The following RNF141 variants were observed in gnomAD, a reference collection of about 807,000 sequenced individuals.
The protein encoded by RNF141 is ring finger protein 141.
In RNF141, 18 loss-of-function variants were observed where a neutral mutation model predicts 27.4. That is an observed-to-expected ratio of 0.66 (90% CI 0.45 to 0.97). The LOEUF is 0.97. Among genes scored for constraint, RNF141 ranks in the 50% least tolerant of loss-of-function variants. RNF141 has a pLI of 0.00. For missense variants in RNF141, 230 were observed against 279.4 expected, an observed-to-expected ratio of 0.82 and a Z score of 1.26; for synonymous variants, 97 against 96.6, an observed-to-expected ratio of 1.00 and a Z score of -0.02.
chr11:10,532,710 T>A (rs1341362989), intron 2 of RNF141, among the ~76,000 whole-genome samples: 8 of 152,204 alleles, frequency 5.3e-5, no homozygotes, highest in Non-Finnish European at 1.2e-4. Flanking sequence ...TCTAATATGT[T>A]ACAGATTGCT....
chr11:10,514,959 A>T lies in RNF141; in HGVS notation c.650T>A (p.Ile217Asn). 6.2e-7 allele frequency: 1 copy of T among 1,613,960 alleles called. No homozygotes were observed. Among genetic ancestry groups the T allele is most frequent in the Non-Finnish European group, 8.5e-7 (1 of 1,179,946 alleles). The change falls in exon 6 of 6, where the codon ATT becomes AAT. Residue 217 changes from isoleucine (I) to asparagine (N), a missense_variant. By Grantham distance (149) the Ile-to-Asn change is moderately radical (BLOSUM62 -3). Transcript: ENST00000265981. ...GCCTGCCTCATCAGCCATGTTAAGA[A>T]TATAGTTAGCCATATCATCTTCAGT... ...APTEDDMANY[I>N]LNMADEAGQP... is the part of the protein sequence containing the mutation.
intron 5 of RNF141, chr11:10,515,468 T>C (rs148574442): frequency 1.3e-5 from 2 of 154,850 alleles, no homozygotes; most frequent in Admixed American, 6.5e-5. Flanking sequence ...TTTAGTTTTT[T>C]TTCCCATCTT....
At chr11:10,517,837 A>G (rs1460244653) in intron 5 of RNF141, 2 of 152,204 alleles carry the variant, frequency 1.3e-5, no homozygotes, top group African/African-American at 2.4e-5. Flanking sequence ...GAACTGATAC[A>G]TGAGTTTAAT....
At chr11:10,524,918 C>G (rs1849918625) in intron 4 of RNF141, among the ~76,000 whole-genome samples, 1 of 152,158 alleles carries the variant, frequency 6.6e-6, no homozygotes, top group South Asian at 2.1e-4. Flanking sequence ...TTAACTATCT[C>G]CTTTGTCAAT....
chr11:10,525,817 A>C (rs1849931618), intron 3 of RNF141, among the ~76,000 whole-genome samples: 1 of 152,206 alleles, frequency 6.6e-6, no homozygotes, highest in Non-Finnish European at 1.5e-5. Flanking sequence ...TTTTGTACCA[A>C]AACTTCTAAA....
At chr11:10,538,148 A>T (rs935472257) in intron 1 of RNF141, among the ~76,000 whole-genome samples, 3 of 152,220 alleles carry the variant, frequency 2.0e-5, no homozygotes, top group Non-Finnish European at 4.4e-5. Flanking sequence ...CCTAACTTTG[A>T]GTAAAGTTTA....
At chr11:10,518,503 T>C (rs570772122) in intron 5 of RNF141, 4 of 152,308 alleles carry the variant, frequency 2.6e-5, no homozygotes, top group African/African-American at 7.2e-5. Flanking sequence ...GCACATATTA[T>C]ATGATTCCAT....
Position 10,512,170 on chromosome 11 carries a change from T to C in RNF141, c.*2746A>G, listed in dbSNP as rs1849805862. The C allele has an allele frequency of 6.6e-6, 1 of 152,656 alleles. No individual in the cohort carries two copies. Among genetic ancestry groups the C allele is most frequent in the Non-Finnish European group, 1.5e-5 (1 of 68,040 alleles). The allele number at this position is 152,656 out of a possible 1,614,324, so 9.5% of individuals were successfully genotyped here. A position where few individuals can be genotyped will look rare whatever the true frequency, so the allele number is the denominator to read the frequency against. On this transcript the variant is annotated 3_prime_UTR_variant, in exon 6 of 6. Coordinates refer to ENST00000265981, the MANE Select transcript of RNF141 (RefSeq NM_016422.4). ...AAGGCACACATTATATTTCCTATCA[T>C]AGTAAGTACATTTAAGTACTTCATA...
intron 4 of RNF141, among the ~76,000 whole-genome samples, chr11:10,519,872 A>G (rs1849873609): frequency 6.6e-6 from 1 of 152,238 alleles, no homozygotes; most frequent in African/African-American, 2.4e-5. Flanking sequence ...ATGAAGGCCT[A>G]GGACAGGAGT....
At chr11:10,532,342 A>C (rs1849994013) in intron 2 of RNF141, among the ~76,000 whole-genome samples, 1 of 152,172 alleles carries the variant, frequency 6.6e-6, no homozygotes, top group Admixed American at 6.5e-5. Flanking sequence ...TTTAAAAATA[A>C]GTAAAATGCT....
chr11:10,515,030 T>C lies in RNF141; in HGVS notation c.579A>G (p.Leu193=). The change falls in exon 6 of 6, where the codon CTA becomes CTG. Residue 193 remains leucine, a synonymous_variant. Transcript: ENST00000265981. ...AAGATTCATTTGCTCCAGTCATCTG[T>C]AGGCGACAAATAGGGCAATTCCTGT... ...DRHRNCPICR[L]QMTGANESWV... 1 of 1,614,040 alleles carries C rather than the reference T, an allele frequency of 6.2e-7. No individual in the cohort carries two copies. The highest frequency in any genetic ancestry group is 8.5e-7 in the Non-Finnish European group (1 of 1,179,958).
chr11:10,523,325 G>T (rs941340877), intron 4 of RNF141, among the ~76,000 whole-genome samples: 1 of 152,206 alleles, frequency 6.6e-6, no homozygotes, highest in Non-Finnish European at 1.5e-5. Context: ...AGACAGGCCT[G>T]AATGTGAGTC....
intron 4 of RNF141, among the ~76,000 whole-genome samples, chr11:10,524,136 C>T (rs754999415): frequency 2.0e-5 from 3 of 152,142 alleles, no homozygotes; most frequent in East Asian, 1.9e-4. Context: ...AACCACTGGC[C>T]GGGCATGGTG....
At chr11:10,531,860 A>G in intron 2 of RNF141, 1 of 235,664 alleles carries the variant, frequency 4.2e-6, no homozygotes, top group Non-Finnish European at 8.7e-6. Context: ...AAAATAATTC[A>G]GCCGTGCCAG....
intron 4 of RNF141, among the ~76,000 whole-genome samples, chr11:10,520,987 T>C (rs1849883394): frequency 6.6e-6 from 1 of 152,216 alleles, no homozygotes; most frequent in Non-Finnish European, 1.5e-5. Context: ...AATGGGCATA[T>C]GAGTGAAAGA....
At chr11:10,516,783 A>T (rs963192875) in intron 5 of RNF141, 1 of 152,258 alleles carries the variant, frequency 6.6e-6, no homozygotes, top group Non-Finnish European at 1.5e-5. Flanking sequence ...GGGTCTTGCT[A>T]TTAGTGGGAC....
At chr11:10,534,259 A>G in intron 1 of RNF141, 54 bp from the exon 2 acceptor site, 1 of 1,276,476 alleles carries the variant, frequency 7.8e-7, no homozygotes, top group East Asian at 2.3e-5. Context: ...ACGGCAATAT[A>G]CTCATTCTTC....
At chr11:10,527,718 T>G (rs1171920526) in intron 3 of RNF141, among the ~76,000 whole-genome samples, 1 of 151,702 alleles carries the variant, frequency 6.6e-6, no homozygotes, top group African/African-American at 2.4e-5. Flanking sequence ...ATAGGCTGGT[T>G]GTTGTGCTTG....
Position 10,525,505 on chromosome 11 carries a change from A to G in RNF141, c.253-132T>C, listed in dbSNP as rs915708232. On this transcript the variant is annotated intron_variant, in intron 3 of 5. Transcript: ENST00000265981. ...TTTCAGGATTTGCAAATTACATAAG[A>G]AAGCAAGAGTCTGAATAAATGAGTA... 4.6e-5 allele frequency: 29 copies of G among 629,586 alleles called. No individual in the cohort carries two copies. The South Asian group carries it at 6.7e-4, about 15-fold the overall frequency. The allele number at this position is 629,586 out of a possible 1,614,324, so 39.0% of individuals were successfully genotyped here.
Sources: allele counts gnomAD v4.1 joint callset (sites outside exome capture counted in the v4.1 genomes callset), GRCh38; gene constraint gnomAD v4.1.1; transcripts MANE v1.5; gene names NCBI Gene and HGNC (gene_info 2026-07-23, HGNC 2026-07-21).